CTNNA3: variants seen among roughly 807,000 people sequenced by gnomAD.
The protein encoded by CTNNA3 is catenin alpha 3, also known as catenin alpha-3.
In CTNNA3, 76 loss-of-function variants were observed where a neutral mutation model predicts 95.7. That is an observed-to-expected ratio of 0.79 (90% confidence interval 0.66 to 0.96). The LOEUF (loss-of-function observed/expected upper bound fraction) is 0.96, where lower values mean the gene tolerates loss of function less well. Among genes scored for constraint, CTNNA3 ranks in the 40% least tolerant of loss-of-function variants. The pLI is 0.00. For synonymous variants in CTNNA3, 431 were observed against 374.4 expected (o/e 1.15, Z -1.74); for missense variants, 1,191 against 1,089.8 (o/e 1.09, Z -1.31).
intron 13 of CTNNA3, among the ~76,000 whole-genome samples, chr10:66,197,757 C>G (rs1218999072): frequency 2.6e-5 from 4 of 152,062 alleles, no homozygotes; most frequent in African/African-American, 9.7e-5. Context: ...GAAATAAAAG[C>G]AAGACTAGTA....
At chr10:67,606,753 TA>T in intron 3 of CTNNA3, 103 bp downstream of exon 3, 1 of 925,440 alleles carries the variant, frequency 1.1e-6, no homozygotes, top group Non-Finnish European at 1.6e-6. Context: ...TGCAAAAGAC[TA>T]AAAAACTGGA....
intron 10 of CTNNA3, among the ~76,000 whole-genome samples, chr10:66,611,008 C>G (rs1334988574): frequency 6.6e-6 from 1 of 152,038 alleles, no homozygotes; most frequent in Non-Finnish European, 1.5e-5. Flanking sequence ...TGCAGCAATA[C>G]AGATTGAACT....
Position 65,915,614 on chromosome 10 carries a change from C to A in CTNNA3, c.*4716G>T. The A allele has an allele frequency of 6.6e-6, 1 of 152,152 alleles. No homozygotes were observed. The highest frequency in any genetic ancestry group is 1.9e-4 in the East Asian group (1 of 5,182). The allele number at this position is 152,152 out of a possible 1,614,324, so 9.4% of individuals were successfully genotyped here. ...AATGCAGCCAGCAGCCATAAAGCAT[C>A]TCGTCTCAGAATAAAACTTATGGTC... On this transcript the variant is annotated 3_prime_UTR_variant, in exon 18 of 18. Coordinates refer to ENST00000433211, the MANE Select transcript of CTNNA3 (RefSeq NM_013266.4).
At chr10:65,968,015 T>C (rs547950216) in intron 16 of CTNNA3, among the ~76,000 whole-genome samples, 1 of 152,070 alleles carries the variant, frequency 6.6e-6, no homozygotes, top group East Asian at 1.9e-4. Flanking sequence ...TTTCAAAGGA[T>C]GTGGAAAAAT....
intron 1 of CTNNA3, among the ~76,000 whole-genome samples, chr10:67,756,991 ACAT>A (rs1208368911): frequency 1.3e-5 from 2 of 152,224 alleles, no homozygotes; most frequent in Non-Finnish European, 2.9e-5. Flanking sequence ...CTTTTTATTA[ACAT>A]CATATTGTTT....
At chr10:67,381,400 TTTTGTG>T (rs1843939675) in intron 5 of CTNNA3, among the ~76,000 whole-genome samples, 1 of 152,172 alleles carries the variant, frequency 6.6e-6, no homozygotes, top group South Asian at 2.1e-4. Flanking sequence ...AAAGACTCTA[TTTTGTG>T]TTTCATATCA....
chr10:66,293,734 C>T (rs567697936), intron 12 of CTNNA3, among the ~76,000 whole-genome samples: 161 of 149,532 alleles, frequency 1.1e-3, no homozygotes, highest in African/African-American at 3.8e-3. Context: ...GGTGCGATCT[C>T]GGCTCACTGC....
chr10:66,260,600 A>G (rs2090962072), intron 13 of CTNNA3, among the ~76,000 whole-genome samples: 1 of 152,086 alleles, frequency 6.6e-6, no homozygotes. Flanking sequence ...TCCCTACACT[A>G]TTAATTCCTA....
At chr10:66,260,666 C>A (rs950749013) in intron 13 of CTNNA3, among the ~76,000 whole-genome samples, 13 of 152,090 alleles carry the variant, frequency 8.5e-5, no homozygotes, top group African/African-American at 3.1e-4. Flanking sequence ...CAGGAAAAAG[C>A]AGAACAGGTA....
intron 15 of CTNNA3, among the ~76,000 whole-genome samples, chr10:66,045,318 T>C (rs2079806280): frequency 6.6e-6 from 1 of 152,210 alleles, no homozygotes; most frequent in African/African-American, 2.4e-5. Context: ...AGTGCTAGGT[T>C]TTATCTACCT....
intron 13 of CTNNA3, among the ~76,000 whole-genome samples, chr10:66,188,626 T>TGTGTGC (rs1429828988): frequency 1.3e-5 from 2 of 149,784 alleles, no homozygotes; most frequent in Non-Finnish European, 3.0e-5. Flanking sequence ...TGTGTGTGTG[T>TGTGTGC]GTGTGCCACA....
chr10:66,052,541 G>C (rs10437347), intron 15 of CTNNA3, among the ~76,000 whole-genome samples: 8,809 of 152,232 alleles, frequency 0.058, 311 homozygotes, highest in East Asian at 0.19. Flanking sequence ...TAAATTAAAA[G>C]TGTCTTAAGC....
At chr10:67,367,092 T>A (rs1272793868) in intron 5 of CTNNA3, among the ~76,000 whole-genome samples, 2 of 152,094 alleles carry the variant, frequency 1.3e-5, no homozygotes, top group Admixed American at 6.5e-5. Flanking sequence ...TGGGACCTAA[T>A]TAAACTAAAG....
At chr10:66,668,376 T>C (rs953040878) in intron 9 of CTNNA3, among the ~76,000 whole-genome samples, 3 of 151,986 alleles carry the variant, frequency 2.0e-5, no homozygotes, top group African/African-American at 2.4e-5. Flanking sequence ...TGAAAGCACA[T>C]ATACTTATCA....
At chr10:67,105,945 A>G (rs1858610626) in intron 7 of CTNNA3, among the ~76,000 whole-genome samples, 1 of 152,196 alleles carries the variant, frequency 6.6e-6, no homozygotes, top group Non-Finnish European at 1.5e-5. Context: ...AGTTCAGTGT[A>G]TTGGACATCC....
chr10:66,283,328 T>C (rs1485057397), intron 12 of CTNNA3, among the ~76,000 whole-genome samples: 1 of 151,850 alleles, frequency 6.6e-6, no homozygotes, highest in Non-Finnish European at 1.5e-5. Flanking sequence ...CACTAAAAAA[T>C]GCTTTTTCTC....
intron 11 of CTNNA3, among the ~76,000 whole-genome samples, chr10:66,432,335 C>T (rs369474087): frequency 5.3e-5 from 8 of 152,132 alleles, no homozygotes; most frequent in African/African-American, 1.4e-4. Context: ...AACAGCGATA[C>T]GCATTTTTTA....
chr10:67,620,923 G>GTGTATATA (rs1402402526), intron 2 of CTNNA3, among the ~76,000 whole-genome samples: 7,814 of 123,000 alleles, frequency 0.064, 335 homozygotes, highest in Non-Finnish European at 0.095. Context: ...GTGTGTGTGT[G>GTGTATATA]TATATATATA....
intron 7 of CTNNA3, among the ~76,000 whole-genome samples, chr10:67,083,535 T>C (rs1325107024): frequency 6.6e-6 from 1 of 152,240 alleles, no homozygotes; most frequent in Non-Finnish European, 1.5e-5. Flanking sequence ...TTGAGTTATA[T>C]GTGAATTGTT....
Sources: allele counts gnomAD v4.1 joint callset (sites outside exome capture counted in the v4.1 genomes callset), GRCh38; gene constraint gnomAD v4.1.1; transcripts MANE v1.5; gene names NCBI Gene and HGNC (gene_info 2026-07-23, HGNC 2026-07-21).